The following RYR3 variants were observed in gnomAD, a reference collection of about 807,000 sequenced individuals.
The protein encoded by RYR3 is ryanodine receptor 3, also known as brain ryanodine receptor-calcium release channel.
A neutral mutation model predicts 584.3 loss-of-function variants in RYR3; 207 were observed. The ratio of observed to expected loss-of-function variants is 0.35; its 90% CI spans 0.32 to 0.40. The LOEUF (loss-of-function observed/expected upper bound fraction) is 0.40. Among genes scored for constraint, RYR3 ranks in the 10% least tolerant of loss-of-function variants. The pLI is 1.00. For synonymous variants in RYR3, 2,416 were observed against 2,248.5 expected, an observed-to-expected ratio of 1.07 and a Z score of -2.11; for missense variants, 5,616 against 6,089.2, an observed-to-expected ratio of 0.92 and a Z score of 2.59.
At chr15:33,432,098 G>A (rs1046756120) in intron 1 of RYR3, among the ~76,000 whole-genome samples, 4 of 152,158 alleles carry the variant, frequency 2.6e-5, no homozygotes, top group African/African-American at 9.7e-5. Context: ...ACTCATAGAT[G>A]TCTTACAAAT....
At chr15:33,821,484 T>G (rs2077103349) in intron 79 of RYR3, 39 bp from the exon 80 acceptor site, 1 of 1,610,160 alleles carries the variant, frequency 6.2e-7, no homozygotes, top group African/African-American at 1.3e-5. Context: ...ATTTACCATC[T>G]GTTTCCTTGG....
chr15:33,352,514 T>C (rs79534082), intron 1 of RYR3, among the ~76,000 whole-genome samples: 2,663 of 152,262 alleles, frequency 0.017, 71 homozygotes, highest in African/African-American at 0.061. Context: ...TCTGCCCTTG[T>C]TGACTTAACG....
chr15:33,777,056 G>A (rs1331923297), intron 64 of RYR3, among the ~76,000 whole-genome samples: 1 of 152,218 alleles, frequency 6.6e-6, no homozygotes, highest in African/African-American at 2.4e-5. Flanking sequence ...AGTCATGGTG[G>A]CACATGCCAT....
At chr15:33,526,834 C>G (rs1053545221) in intron 3 of RYR3, among the ~76,000 whole-genome samples, 1 of 152,112 alleles carries the variant, frequency 6.6e-6, no homozygotes, top group Admixed American at 6.5e-5. Context: ...AATAATACCA[C>G]AGAAGATAAT....
chr15:33,455,483 T>A (rs948916942), intron 1 of RYR3, among the ~76,000 whole-genome samples: 5 of 151,698 alleles, frequency 3.3e-5, no homozygotes, highest in African/African-American at 7.2e-5. Flanking sequence ...GATGGGAAGC[T>A]TTTCAGGAGA....
chr15:33,744,262 C>T (rs185405102), intron 52 of RYR3, among the ~76,000 whole-genome samples: 23 of 152,242 alleles, frequency 1.5e-4, no homozygotes, highest in African/African-American at 4.6e-4. Context: ...ATAGTACTTT[C>T]GTAGCACGCT....
intron 16 of RYR3, among the ~76,000 whole-genome samples, chr15:33,588,858 T>G (rs1013257642): frequency 6.6e-6 from 1 of 152,166 alleles, no homozygotes; most frequent in Non-Finnish European, 1.5e-5. Flanking sequence ...AATCTTCCAT[T>G]GATGGATATG....
At chr15:33,619,208 G>A (rs1392122249) in intron 19 of RYR3, among the ~76,000 whole-genome samples, 1 of 152,196 alleles carries the variant, frequency 6.6e-6, no homozygotes, top group Admixed American at 6.5e-5. Context: ...TGATACAAGT[G>A]CTGTGGTGGA....
intron 3 of RYR3, among the ~76,000 whole-genome samples, chr15:33,514,085 C>G (rs949083649): frequency 1.5e-4 from 23 of 152,222 alleles, no homozygotes; most frequent in African/African-American, 5.5e-4. Flanking sequence ...CTTACTGAAA[C>G]CCGGATAGTC....
chr15:33,830,359 G>T (rs900792143), intron 85 of RYR3, among the ~76,000 whole-genome samples: 1 of 152,200 alleles, frequency 6.6e-6, no homozygotes, highest in Non-Finnish European at 1.5e-5. Context: ...TGAGAGCTCA[G>T]GTGATTGTTA....
intron 67 of RYR3, among the ~76,000 whole-genome samples, chr15:33,797,695 G>A (rs563653490): frequency 6.6e-6 from 1 of 152,008 alleles, no homozygotes; most frequent in Non-Finnish European, 1.5e-5. Flanking sequence ...CGTTACCCAA[G>A]ATTTTGTTCC....
chr15:33,590,329 AG>A (rs1567610888), intron 16 of RYR3, among the ~76,000 whole-genome samples: 1 of 152,166 alleles, frequency 6.6e-6, no homozygotes, highest in East Asian at 1.9e-4. Context: ...AGAGGCCTGA[AG>A]GTAATGTGGT....
chr15:33,750,209 C>T lies in RYR3; in HGVS notation c.8322C>T (p.Ala2774=), dbSNP rs754780561. Residue 2774 remains alanine, a synonymous_variant, in exon 57 of 104, where the codon GCC becomes GCT. Transcript: ENST00000634891. ...PLLVPYDTLT[A]KEKFKDREKA... is the part of the protein sequence containing the mutation. ...TGGTACCATATGACACCTTGACTGCCAAGGAAAAGTTCAAGGACCGGGAGA... is the reference window on the plus strand; with the variant it reads ...TGGTACCATATGACACCTTGACTGCTAAGGAAAAGTTCAAGGACCGGGAGA... The T allele has an allele frequency of 1.9e-6, 3 of 1,609,564 alleles. No individual in the cohort carries two copies. Among genetic ancestry groups the T allele is most frequent in the Admixed American group, 3.4e-5 (2 of 59,420 alleles).
chr15:33,347,000 CAT>C (rs1972541471), intron 1 of RYR3, among the ~76,000 whole-genome samples: 1 of 152,102 alleles, frequency 6.6e-6, no homozygotes, highest in Non-Finnish European at 1.5e-5. Context: ...GTGTTTTTCT[CAT>C]GATTAGGCTG....
At chr15:33,692,170 A>G (rs529816464) in intron 38 of RYR3, among the ~76,000 whole-genome samples, 1 of 152,350 alleles carries the variant, frequency 6.6e-6, no homozygotes, top group East Asian at 1.9e-4. Context: ...TAGAAAATGT[A>G]TTCTTTTTAA....
intron 69 of RYR3, among the ~76,000 whole-genome samples, chr15:33,806,131 C>T (rs2076195958): frequency 6.6e-6 from 1 of 152,154 alleles, no homozygotes; most frequent in Non-Finnish European, 1.5e-5. Context: ...AAGAGCTTCC[C>T]ATGGCCCGGG....
intron 2 of RYR3, among the ~76,000 whole-genome samples, chr15:33,498,546 C>A (rs868385508): frequency 4.6e-5 from 7 of 151,994 alleles, no homozygotes; most frequent in Middle Eastern, 6.8e-3. Flanking sequence ...GGGGAGGGGG[C>A]TGTTTAGTTG....
At chr15:33,852,979 C>T (rs1033431438) in intron 94 of RYR3, 66 bp from the exon 95 acceptor site, 12 of 1,385,274 alleles carry the variant, frequency 8.7e-6, no homozygotes, top group Admixed American at 7.9e-5. Context: ...CAAACTGAAA[C>T]GTTTCTTGAT....
At chr15:33,605,822 A>T (rs1030952284) in intron 18 of RYR3, among the ~76,000 whole-genome samples, 1 of 152,234 alleles carries the variant, frequency 6.6e-6, no homozygotes, top group Admixed American at 6.5e-5. Flanking sequence ...TAATTGATGA[A>T]GAAATGAAAC....
Sources: gnomAD v4.1 joint callset for allele counts (sites outside exome capture counted in the v4.1 genomes callset) on GRCh38, gnomAD v4.1.1 for gene constraint, MANE v1.5 for transcripts, NCBI Gene and HGNC (gene_info 2026-07-23, HGNC 2026-07-21) for gene names.